POLH: variants seen among roughly 807,000 people sequenced by gnomAD.
The protein encoded by POLH is DNA polymerase eta transcript.
A neutral mutation model predicts 73.6 loss-of-function variants in POLH; 53 were observed. That is an observed-to-expected ratio of 0.72 (90% CI 0.58 to 0.91). POLH has a LOEUF of 0.91. POLH is among the 40% of genes least tolerant of loss of function. The pLI is 0.00. For missense variants in POLH, 768 were observed against 865.4 expected (o/e 0.89, Z 1.41); for synonymous variants, 292 against 308.5 (o/e 0.95, Z 0.56).
At chr6:43,586,687 G>A (rs1764859985) in intron 3 of POLH, among the ~76,000 whole-genome samples, 2 of 152,092 alleles carry the variant, frequency 1.3e-5, no homozygotes, top group South Asian at 2.1e-4. Flanking sequence ...TAGTATATCC[G>A]TAAATGGTTG....
At chr6:43,604,921 C>T (rs1166526811) in intron 8 of POLH, among the ~76,000 whole-genome samples, 183 bp downstream of exon 8, 3 of 152,098 alleles carry the variant, frequency 2.0e-5, no homozygotes, top group East Asian at 1.9e-4. Flanking sequence ...TTTCGTCTAT[C>T]GAAATAAAAT....
At chr6:43,604,264 C>T (rs2127804437) in intron 7 of POLH, among the ~76,000 whole-genome samples, 1 of 152,258 alleles carries the variant, frequency 6.6e-6, no homozygotes, top group Admixed American at 6.5e-5. Flanking sequence ...CTAATTACAT[C>T]ATTCATGCAT....
At chr6:43,580,895 A>AC (rs1397630149) in intron 1 of POLH, among the ~76,000 whole-genome samples, 71 of 135,540 alleles carry the variant, frequency 5.2e-4, no homozygotes, top group East Asian at 1.1e-3. Context: ...CGGAGGGCTG[A>AC]CCCCCCCACC....
chr6:43,603,871 C>A, intron 6 of POLH, 21 bp from the exon 7 acceptor site: 4 of 1,612,440 alleles, frequency 2.5e-6, no homozygotes, highest in Non-Finnish European at 2.5e-6. Context: ...CCTATCAATT[C>A]TTTGTCTCCT....
At chr6:43,585,632 C>CTTTTTTTTTTTTTTTTTT (rs927573344) in intron 3 of POLH, among the ~76,000 whole-genome samples, 1 of 133,122 alleles carries the variant, frequency 7.5e-6, no homozygotes, top group African/African-American at 3.4e-5. Flanking sequence ...ATTGCTCTTT[C>CTTTTTTTTTTTTTTTTTT]TTTTCTTTTT....
chr6:43,596,484 A>AC (rs1766069295), intron 4 of POLH, among the ~76,000 whole-genome samples: 1 of 151,524 alleles, frequency 6.6e-6, no homozygotes, highest in Non-Finnish European at 1.5e-5. Context: ...CTTCGTCTCA[A>AC]AAAAAAAAGA....
chr6:43,597,128 A>ATTTTTTTTTTTTT lies in POLH; in HGVS notation c.491-563_491-562insTTTTTTTTTTTTT, dbSNP rs1554140125. 2.0e-4 allele frequency among the ~76,000 whole-genome samples: 31 copies of ATTTTTTTTTTTTT among 152,036 alleles called. 1 individual carries two copies. Among genetic ancestry groups the ATTTTTTTTTTTTT allele is most frequent in the African/African-American group, 6.0e-4 (25 of 41,474 alleles). On this transcript the variant is annotated intron_variant, in intron 4 of 10. Transcript: ENST00000372236. ...TACATTATTTTTTTTTATTTTTATT[A>ATTTTTTTTTTTTT]TTTTTGAGATGAAGTCTTGCTCTGT...
intron 4 of POLH, chr6:43,588,714 A>C (rs1391145995): frequency 6.6e-6 from 1 of 152,312 alleles, no homozygotes; most frequent in Non-Finnish European, 1.5e-5. Flanking sequence ...TGGCCTCCCA[A>C]AGTGCTGGCA....
intron 3 of POLH, among the ~76,000 whole-genome samples, chr6:43,586,010 G>A (rs1764787545): frequency 1.3e-5 from 2 of 151,086 alleles, no homozygotes. Context: ...AAAAAAAAAA[G>A]TCAAGTATTT....
At position 43,601,187 on chromosome 6, in the gene POLH, A is replaced by C. The variant is rs906920482; in HGVS notation, c.764+96A>C. On this transcript the variant is annotated intron_variant, in intron 6 of 10. Transcript: ENST00000372236. ...GTGTTACTAATTAAGGACTGGAGCC[A>C]GGGGAAATACATACCAGGCAGTTAG... 1.3e-5 allele frequency: 11 copies of C among 855,082 alleles called. No individual in the cohort carries two copies. In the South Asian group the frequency reaches 1.5e-4, roughly 12 times the overall value. 53.0% of individuals were successfully genotyped at this position (855,082 alleles called of 1,614,324 possible).
chr6:43,605,289 AGAG>A lies in POLH; in HGVS notation c.1048_1050del (p.Glu350del). 1 of 1,598,532 alleles carries A rather than the reference AGAG, an allele frequency of 6.3e-7. No individual in the cohort carries two copies. The highest frequency in any genetic ancestry group is 8.6e-7 in the Non-Finnish European group (1 of 1,166,084). ...GGCTGTTGCAATTAGCCCAGGAACT[AGAG>A]GAGAGACTGACTAAAGACCGAAATG... On this transcript the variant is annotated inframe_deletion, in exon 9 of 11. Coordinates refer to ENST00000372236, the MANE Select transcript of POLH (RefSeq NM_006502.3).
Position 43,583,090 on chromosome 6 carries a change from ATCT to A in POLH, c.225_227del (p.Leu77del), listed in dbSNP as rs1426687865. The A allele has an allele frequency of 7.4e-6, 12 of 1,614,020 alleles. No homozygotes were observed. Among genetic ancestry groups the A allele is most frequent in the Non-Finnish European group, 1.0e-5 (12 of 1,179,888 alleles). On this transcript the variant is annotated inframe_deletion, in exon 3 of 11. Transcript: ENST00000372236. ...GATGATGCTAAGAAGTTATGTCCAG[ATCT>A]TCTACTGGCACAAGTTCGTGAGTCC... is the stretch of plus-strand genomic sequence containing the variant.
In POLH at chr6:43,616,814, G is replaced by T. The variant is rs1768380743; in HGVS notation, c.*2257G>T. On this transcript the variant is annotated 3_prime_UTR_variant, in exon 11 of 11. Coordinates refer to ENST00000372236, the MANE Select transcript of POLH (RefSeq NM_006502.3). ...ATTATACCCTCAGTTCTAACCATTG[G>T]CCTATCTCTTGCGTTTTGTTCTAAT... is the stretch of plus-strand genomic sequence containing the variant. Among the ~76,000 whole-genome samples the T allele has an allele frequency of 6.6e-6, 1 of 152,200 alleles. No individual in the cohort carries two copies. The highest frequency in any genetic ancestry group is 1.5e-5 in the Non-Finnish European group (1 of 68,044).
chr6:43,603,086 T>C (rs1766915504), intron 6 of POLH, among the ~76,000 whole-genome samples: 2 of 149,068 alleles, frequency 1.3e-5, no homozygotes, highest in Admixed American at 1.3e-4. Context: ...ACTGCAGCCT[T>C]AACCTCCTGG....
chr6:43,591,062 G>A (rs1436200903), intron 4 of POLH: 1 of 152,144 alleles, frequency 6.6e-6, no homozygotes, highest in Non-Finnish European at 1.5e-5. Context: ...TGTGACTTAA[G>A]GAATTATTTT....
intron 4 of POLH, among the ~76,000 whole-genome samples, chr6:43,594,127 A>G (rs930011852): frequency 3.9e-5 from 6 of 152,216 alleles, no homozygotes; most frequent in African/African-American, 1.4e-4. Flanking sequence ...TTAAAAATCT[A>G]CATTGCCACA....
intron 1 of POLH, among the ~76,000 whole-genome samples, 162 bp downstream of exon 1, chr6:43,576,602 T>C (rs1043875154): frequency 6.6e-6 from 1 of 152,354 alleles, no homozygotes; most frequent in Non-Finnish European, 1.5e-5. Context: ...ATTTTTCTTG[T>C]AGAAAAAAGT....
At chr6:43,610,851 T>C in intron 10 of POLH, 128 bp downstream of exon 10, 1 of 757,136 alleles carries the variant, frequency 1.3e-6, no homozygotes, top group Non-Finnish European at 2.3e-6. Flanking sequence ...TCACATGAGC[T>C]GAATTTCAGA....
At chr6:43,612,770 C>T (rs1194144549) in intron 10 of POLH, among the ~76,000 whole-genome samples, 1 of 150,536 alleles carries the variant, frequency 6.6e-6, no homozygotes, top group African/African-American at 2.4e-5. Flanking sequence ...TGATTAGACA[C>T]AATGAGGAAC....
Sources: gnomAD v4.1 joint callset for allele counts (sites outside exome capture counted in the v4.1 genomes callset) on GRCh38, gnomAD v4.1.1 for gene constraint, MANE v1.5 for transcripts, NCBI Gene and HGNC (gene_info 2026-07-23, HGNC 2026-07-21) for gene names.